The following PLCL1 variants were observed in gnomAD, a reference collection of about 807,000 sequenced individuals.
PLCL1 encodes the protein phospholipase C like 1 (inactive).
In PLCL1, 41 loss-of-function variants were observed where a neutral mutation model predicts 84.4. The ratio of observed to expected loss-of-function variants is 0.49; its 90% CI spans 0.38 to 0.63. The LOEUF (loss-of-function observed/expected upper bound fraction) is 0.63. PLCL1 is among the 30% of genes least tolerant of loss of function. PLCL1 has a pLI of 0.00. For synonymous variants in PLCL1, 490 were observed against 488.3 expected, an observed-to-expected ratio of 1.00 and a Z score of -0.05; for missense variants, 1,206 against 1,367.8, an observed-to-expected ratio of 0.88 and a Z score of 1.87.
intron 1 of PLCL1, among the ~76,000 whole-genome samples, chr2:197,895,336 A>G (rs34829596): frequency 0.025 from 3,830 of 152,116 alleles, 142 homozygotes; most frequent in Non-Finnish European, 0.037. Context: ...AATATTAATT[A>G]AGATGTGTGC....
chr2:197,881,085 T>C (rs376009742), intron 1 of PLCL1, among the ~76,000 whole-genome samples: 1 of 152,296 alleles, frequency 6.6e-6, no homozygotes, highest in African/African-American at 2.4e-5. Flanking sequence ...GTGAGCTCCC[T>C]GAGGGCAGGC....
chr2:197,925,528 T>C (rs1260381349), intron 1 of PLCL1, among the ~76,000 whole-genome samples: 1 of 152,206 alleles, frequency 6.6e-6, no homozygotes, highest in Non-Finnish European at 1.5e-5. Context: ...AAATCATAAA[T>C]ATGACAGTGA....
chr2:197,918,306 A>C (rs1574947925), intron 1 of PLCL1, among the ~76,000 whole-genome samples: 1 of 152,194 alleles, frequency 6.6e-6, no homozygotes. Flanking sequence ...AGAAACTATC[A>C]CAGCCGAGAG....
At chr2:197,874,723 T>C (rs1042213277) in intron 1 of PLCL1, among the ~76,000 whole-genome samples, 4 of 152,108 alleles carry the variant, frequency 2.6e-5, no homozygotes, top group East Asian at 1.9e-4. Flanking sequence ...GGGATTCAAT[T>C]TGCATATGGT....
chr2:197,824,361 CT>C (rs912795237), intron 1 of PLCL1, among the ~76,000 whole-genome samples: 60 of 147,780 alleles, frequency 4.1e-4, no homozygotes, highest in Middle Eastern at 3.5e-3. Context: ...CTTCATACTC[CT>C]TTTTTTTTTC....
At chr2:198,099,792 A>G (rs917015515) in intron 3 of PLCL1, among the ~76,000 whole-genome samples, 2 of 152,186 alleles carry the variant, frequency 1.3e-5, no homozygotes, top group Non-Finnish European at 2.9e-5. Context: ...AACTTGAACT[A>G]TAAGGTTTTG....
chr2:198,056,271 A>G (rs1692069880), intron 1 of PLCL1, among the ~76,000 whole-genome samples: 1 of 152,186 alleles, frequency 6.6e-6, no homozygotes, highest in Non-Finnish European at 1.5e-5. Flanking sequence ...CTTTTGGTTT[A>G]ATAATTTTTT....
chr2:198,061,821 G>A (rs1328352329), intron 1 of PLCL1, among the ~76,000 whole-genome samples: 6 of 152,030 alleles, frequency 3.9e-5, no homozygotes, highest in Admixed American at 2.0e-4. Flanking sequence ...GGATGGTCTC[G>A]AACTCCTGAC....
At chr2:198,036,456 AC>A in intron 1 of PLCL1, among the ~76,000 whole-genome samples, 1 of 152,346 alleles carries the variant, frequency 6.6e-6, no homozygotes, top group Non-Finnish European at 1.5e-5. Context: ...GCATTTTCAA[AC>A]ATGCTATTGA....
At position 197,837,139 on chromosome 2, in the gene PLCL1, C is replaced by T. The variant is rs147547593; in HGVS notation, c.240+31800C>T. ...ACTTGTGCATTAAAGTTTAAGGTTG[C>T]GGTTCAGAAGGTCAGAGTCATGGGG... On this transcript the variant is annotated intron_variant, in intron 1 of 5. Coordinates refer to ENST00000428675, the MANE Select transcript of PLCL1 (RefSeq NM_006226.4). Among the ~76,000 whole-genome samples the T allele has an allele frequency of 1.0e-3, 154 of 152,172 alleles. 1 individual carries two copies. The highest frequency in any genetic ancestry group is 3.6e-3 in the African/African-American group (149 of 41,514).
At chr2:197,840,299 G>C (rs552706900) in intron 1 of PLCL1, among the ~76,000 whole-genome samples, 1 of 151,416 alleles carries the variant, frequency 6.6e-6, no homozygotes, top group East Asian at 2.0e-4. Context: ...GGTCAGGAAG[G>C]CACTTCATCA....
chr2:198,004,227 C>A (rs1388136102), intron 1 of PLCL1, among the ~76,000 whole-genome samples: 1 of 151,948 alleles, frequency 6.6e-6, no homozygotes, highest in African/African-American at 2.4e-5. Context: ...CTCAATAGAT[C>A]TTAAACACTT....
chr2:198,071,098 GCACACA>G (rs56759346), intron 1 of PLCL1: 58,968 of 147,562 alleles, frequency 0.4, 12,163 homozygotes, highest in Middle Eastern at 0.56. Context: ...TTTTAAGTAT[GCACACA>G]CACACACACA....
rs1044884950 is a variant in PLCL1 at position 197,960,737 on chromosome 2, C to T, written c.241-123021C>T. Among the ~76,000 whole-genome samples, 5 of 152,034 alleles carry T rather than the reference C, an allele frequency of 3.3e-5. No individual in the cohort carries two copies. In the East Asian group the frequency reaches 5.8e-4, roughly 18 times the overall value. On this transcript the variant is annotated intron_variant, in intron 1 of 5. Transcript: ENST00000428675. ...CTTTTCATGTTAAAATGTCTATGGC[C>T]GTTTTTGGGGGGACAAAACAGATAC... is the stretch of plus-strand genomic sequence containing the variant.
chr2:198,048,688 C>A (rs928291213), intron 1 of PLCL1, among the ~76,000 whole-genome samples: 3 of 152,156 alleles, frequency 2.0e-5, no homozygotes, highest in Non-Finnish European at 4.4e-5. Flanking sequence ...GGGAGGACAC[C>A]AGGCCATTCA....
At chr2:197,892,130 GCTTCAATGCAGAGCCAA>G (rs1178071521) in intron 1 of PLCL1, among the ~76,000 whole-genome samples, 4 of 152,164 alleles carry the variant, frequency 2.6e-5, no homozygotes, top group African/African-American at 9.7e-5. Flanking sequence ...CTATGTGAAA[GCTTCAATGCAGAGCCAA>G]CCAATACATA....
intron 1 of PLCL1, among the ~76,000 whole-genome samples, chr2:197,868,915 A>C (rs1343187545): frequency 6.6e-6 from 1 of 152,166 alleles, no homozygotes; most frequent in Non-Finnish European, 1.5e-5. Flanking sequence ...AAAAATACTA[A>C]GAAATTATAC....
chr2:197,904,096 C>G (rs938767305), intron 1 of PLCL1, among the ~76,000 whole-genome samples: 7 of 152,178 alleles, frequency 4.6e-5, no homozygotes, highest in African/African-American at 1.7e-4. Context: ...AGCCACCATA[C>G]CTGGCCCAAA....
rs528912307 is a variant in PLCL1 at position 198,074,098 on chromosome 2, G to A, written c.241-9660G>A. On this transcript the variant is annotated intron_variant, in intron 1 of 5. Coordinates refer to ENST00000428675, the MANE Select transcript of PLCL1 (RefSeq NM_006226.4). ...TCATTTCTAAGAAATACCACTAGTC[G>A]TTATATATTTTATGTCATTGAGTTG... Among the ~76,000 whole-genome samples the A allele has an allele frequency of 5.3e-5, 8 of 152,128 alleles. No individual in the cohort carries two copies. The South Asian group carries it at 8.3e-4, about 16-fold the overall frequency.
Sources: allele counts gnomAD v4.1 joint callset (sites outside exome capture counted in the v4.1 genomes callset), GRCh38; gene constraint gnomAD v4.1.1; transcripts MANE v1.5; gene names NCBI Gene and HGNC (gene_info 2026-07-23, HGNC 2026-07-21).